MAP3K1: variants seen among roughly 807,000 people sequenced by gnomAD.
MAP3K1 encodes the protein MAP/ERK kinase kinase 1.
In MAP3K1, 36 loss-of-function variants were observed where a neutral mutation model predicts 144.2. The ratio of observed to expected loss-of-function variants is 0.25; its 90% confidence interval spans 0.19 to 0.33. MAP3K1 has a LOEUF of 0.33. Among genes scored for constraint, MAP3K1 ranks in the 10% least tolerant of loss-of-function variants. MAP3K1 has a pLI of 1.00. For missense variants in MAP3K1, 1,650 were observed against 1,881.9 expected (o/e 0.88, Z 2.28); for synonymous variants, 718 against 688.7 (o/e 1.04, Z -0.67).
chr5:56,842,143 C>T (rs1260758497), intron 1 of MAP3K1: 1 of 152,198 alleles, frequency 6.6e-6, no homozygotes, highest in Non-Finnish European at 1.5e-5. Context: ...TTCTCTCCCT[C>T]AATACCAGCA....
At chr5:56,843,364 ACAC>A (rs1034251816) in intron 1 of MAP3K1, among the ~76,000 whole-genome samples, 88 of 152,286 alleles carry the variant, frequency 5.8e-4, no homozygotes, top group African/African-American at 2.0e-3. Flanking sequence ...CCTGCCAGTA[ACAC>A]CACCATCAGT....
chr5:56,840,344 C>T (rs900962370), intron 1 of MAP3K1, among the ~76,000 whole-genome samples: 5 of 152,098 alleles, frequency 3.3e-5, no homozygotes, highest in African/African-American at 1.2e-4. Context: ...GGCAGGGTTT[C>T]ACCATGTTGG....
chr5:56,880,087 G>A (rs1323732326), intron 11 of MAP3K1, among the ~76,000 whole-genome samples: 1 of 152,170 alleles, frequency 6.6e-6, no homozygotes, highest in African/African-American at 2.4e-5. Flanking sequence ...TTGTATATCT[G>A]TAAAATATTG....
chr5:56,829,324 AG>A, intron 1 of MAP3K1, among the ~76,000 whole-genome samples: 1 of 150,402 alleles, frequency 6.6e-6, no homozygotes, highest in South Asian at 2.1e-4. Flanking sequence ...CTGGGACCAC[AG>A]GTGCATGCCA....
rs931655791 is a variant in MAP3K1 at position 56,893,463 on chromosome 5, A to G, written c.4390-68A>G. The G allele has an allele frequency of 7.4e-6, 11 of 1,487,598 alleles. No individual in the cohort carries two copies. In the African/African-American group the frequency reaches 8.3e-5, roughly 11 times the overall value. 92.1% of individuals were successfully genotyped at this position (1,487,598 alleles called of 1,614,324 possible). A position where few individuals can be genotyped will look rare whatever the true frequency, so the allele number is the denominator to read the frequency against. On this transcript the variant is annotated intron_variant, in intron 19 of 19. Coordinates refer to ENST00000399503, the MANE Select transcript of MAP3K1 (RefSeq NM_005921.2). ...TGTAAATGTAAGGGTTATGAGGTCT[A>G]TGCACATGTGTTTCTGTATCAGAAG...
At chr5:56,874,889 G>C (rs1326105509) in intron 9 of MAP3K1, 143 bp from the exon 10 acceptor site, 1 of 814,592 alleles carries the variant, frequency 1.2e-6, no homozygotes, top group Non-Finnish European at 2.1e-6. Context: ...TAAGTGGCTG[G>C]ATATATTTGA....
intron 1 of MAP3K1, among the ~76,000 whole-genome samples, chr5:56,822,274 C>T (rs1746177976): frequency 6.6e-6 from 1 of 152,172 alleles, no homozygotes; most frequent in Admixed American, 6.5e-5. Context: ...ATCCACCCAC[C>T]TTGGCCTCCC....
chr5:56,848,933 C>T (rs1193255519), intron 1 of MAP3K1, among the ~76,000 whole-genome samples: 1 of 152,296 alleles, frequency 6.6e-6, no homozygotes, highest in East Asian at 1.9e-4. Flanking sequence ...AGAACATGAG[C>T]TTTTTGAGGG....
rs1431311260 is a variant in MAP3K1, at chr5:56,815,959, C to T, written c.386C>T (p.Ala129Val). Residue 129 changes from alanine to valine, a missense_variant, in exon 1 of 20, where the codon GCG (alanine) becomes GTG (valine). By Grantham distance (64) the Ala-to-Val change is moderately conservative. Transcript: ENST00000399503. ...GGCGCCCACCTTACCGAGTCGGTGG[C>T]GGCGCCGGACAGCGGCGCCTCGAGT... ...RGGAHLTESV[A>V]APDSGASSPA... The T allele has an allele frequency of 6.0e-5, 76 of 1,256,220 alleles. No homozygotes were observed. The highest frequency in any genetic ancestry group is 7.5e-5 in the Non-Finnish European group (75 of 1,001,914). The allele number at this position is 1,256,220 out of a possible 1,614,324, so 77.8% of individuals were successfully genotyped here. A position where few individuals can be genotyped will look rare whatever the true frequency, so the allele number is the denominator to read the frequency against.
intron 1 of MAP3K1, among the ~76,000 whole-genome samples, chr5:56,849,838 T>C (rs1747113801): frequency 6.6e-6 from 1 of 152,194 alleles, no homozygotes; most frequent in Non-Finnish European, 1.5e-5. Context: ...TCATTTTCCT[T>C]TTGTTCTTGG....
At chr5:56,877,520 ATTTT>A (rs35084924) in intron 10 of MAP3K1, among the ~76,000 whole-genome samples, 17 of 136,418 alleles carry the variant, frequency 1.2e-4, no homozygotes, top group East Asian at 2.1e-4. Flanking sequence ...TGCATATATA[ATTTT>A]TTTTTTTTTT....
intron 9 of MAP3K1, among the ~76,000 whole-genome samples, chr5:56,874,715 T>C (rs1208366887): frequency 6.6e-6 from 1 of 152,164 alleles, no homozygotes; most frequent in Non-Finnish European, 1.5e-5. Flanking sequence ...TCACAGTTTT[T>C]TGGCGTTTTG....
rs767326010 is a variant in MAP3K1 at position 56,865,870 on chromosome 5, A to G, written c.1194A>G (p.Ser398=). ...LFQKYHSRRS[S]RIKAPSRNTI... The stretch of plus-strand genomic sequence containing the variant: ...AGAAATATCACAGTAGGCGTAGCTC[A>G]AGGATCAAAGCTCCATCTCGTAACA... The change falls in exon 6 of 20, where the codon TCA becomes TCG. Residue 398 remains serine (S), a synonymous_variant. Transcript: ENST00000399503. 6.8e-6 allele frequency: 11 copies of G among 1,612,298 alleles called. No homozygotes were observed. The highest frequency in any genetic ancestry group is 3.3e-5 in the Admixed American group (2 of 60,024).
At chr5:56,868,023 A>G (rs1212799027) in intron 6 of MAP3K1, among the ~76,000 whole-genome samples, 2 of 152,192 alleles carry the variant, frequency 1.3e-5, no homozygotes, top group African/African-American at 4.8e-5. Context: ...TTATATAGAA[A>G]AGGTATTACA....
intron 1 of MAP3K1, among the ~76,000 whole-genome samples, chr5:56,839,328 T>G (rs1205534468): frequency 1.3e-5 from 2 of 152,186 alleles, no homozygotes; most frequent in Non-Finnish European, 2.9e-5. Flanking sequence ...CATCTCCAGC[T>G]TTTTCCACTT....
chr5:56,885,935 G>A lies in MAP3K1; in HGVS notation c.3986G>A (p.Gly1329Glu), dbSNP rs2111957574. 6.2e-7 allele frequency: 1 copy of A among 1,611,532 alleles called. No individual in the cohort carries two copies. Residue 1329 changes from glycine to glutamate, a missense_variant, in exon 17 of 20, where the codon GGA becomes GAA. Transcript: ENST00000399503. ...YNLFIEWMAG[G>E]SVAHLLSKYG... ...AATTATTTCTATTGTCTTATAGGGG[G>A]ATCGGTGGCTCATTTGCTGAGTAAA...
Position 56,815,985 on chromosome 5 carries a change from C to T in MAP3K1, c.412C>T (p.Pro138Ser). Residue 138 changes from proline to serine, a missense_variant, in exon 1 of 20, where the codon CCC becomes TCC. Transcript: ENST00000399503. The stretch of plus-strand genomic sequence containing the variant: ...GGCGCCGGACAGCGGCGCCTCGAGT[C>T]CCGCAGCGGCCGAGCCCGGGGAGAA... ...VAAPDSGASS[P>S]AAAEPGEKRA... is the part of the protein sequence containing the mutation. The T allele has an allele frequency of 8.0e-7, 1 of 1,247,796 alleles. No individual in the cohort carries two copies. Among genetic ancestry groups the T allele is most frequent in the Non-Finnish European group, 1.0e-6 (1 of 997,424 alleles). 77.3% of individuals were successfully genotyped at this position (1,247,796 alleles called of 1,614,324 possible). A position where few individuals can be genotyped will look rare whatever the true frequency, so the allele number is the denominator to read the frequency against.
rs757509049 is a variant in MAP3K1 at position 56,856,713 on chromosome 5, A to G, written c.596A>G (p.His199Arg). ...LKATCMPAWK[H>R]EWLERRNRRG... ...GCAACCTGTATGCCAGCCTGGAAGC[A>G]CGAATGGTTGGAAAGGAGAAATAGG... Residue 199 changes from histidine to arginine, a missense_variant, in exon 2 of 20, where the codon CAC becomes CGC. Physicochemically the swap from His to Arg is conservative, Grantham distance 29. This residue lies in a region of MAP3K1 where 148 missense variants were observed against 177.2 expected (regional missense o/e 0.84). Transcript: ENST00000399503. The G allele has an allele frequency of 1.9e-6, 3 of 1,614,072 alleles. No homozygotes were observed. The highest frequency in any genetic ancestry group is 2.5e-6 in the Non-Finnish European group (3 of 1,179,924).
intron 3 of MAP3K1, 142 bp downstream of exon 3, chr5:56,860,057 C>A: frequency 1.3e-6 from 1 of 761,984 alleles, no homozygotes; most frequent in Non-Finnish European, 2.3e-6. Context: ...GGGGGTGGTT[C>A]CTGAGACCCT....
Sources: allele counts gnomAD v4.1 joint callset (sites outside exome capture counted in the v4.1 genomes callset), GRCh38; gene constraint gnomAD v4.1.1; regional missense constraint gnomAD v4.1.1; transcripts MANE v1.5; gene names NCBI Gene and HGNC (gene_info 2026-07-23, HGNC 2026-07-21).